The following EPB41L4A variants were observed in gnomAD, a reference collection of about 807,000 sequenced individuals.
EPB41L4A encodes erythrocyte membrane protein band 4.1 like 4A, also known as band 4.1-like protein 4A.
Under a neutral mutation model 108.6 loss-of-function variants are expected in EPB41L4A, and 100 were observed. The ratio of observed to expected loss-of-function variants is 0.92; its 90% CI spans 0.78 to 1.09. The LOEUF is 1.09. Ranked by LOEUF, EPB41L4A falls within the 50% of genes least tolerant of loss-of-function variation. The probability of loss-of-function intolerance (pLI) is 0.00; values close to 1 mark genes in which losing one functional copy is unlikely to be tolerated. For synonymous variants in EPB41L4A, 319 were observed against 289.0 expected (o/e 1.10, Z -1.05); for missense variants, 1,030 against 842.7 (o/e 1.22, Z -2.75).
intron 1 of EPB41L4A, among the ~76,000 whole-genome samples, chr5:112,413,840 C>A (rs1257619415): frequency 6.6e-6 from 1 of 152,200 alleles, no homozygotes; most frequent in Non-Finnish European, 1.5e-5. Context: ...GGGCAAGTCA[C>A]TTGGACTGGC....
chr5:112,323,057 C>A (rs6594588), intron 1 of EPB41L4A, among the ~76,000 whole-genome samples: 25,446 of 149,926 alleles, frequency 0.17, 2,589 homozygotes, highest in African/African-American at 0.28. Flanking sequence ...AAAGTATAGT[C>A]GTTGCCAAGA....
rs970436254 is a variant in EPB41L4A at position 112,358,917 on chromosome 5, T to C, written c.100-51427A>G. Reference sequence around the variant, plus strand: ...ATAAAAGAATCACAAACTTCAATGCTAGGTGAAAGAAAACAGACACAAAAA... The same window carrying C: ...ATAAAAGAATCACAAACTTCAATGCCAGGTGAAAGAAAACAGACACAAAAA... On this transcript the variant is annotated intron_variant, in intron 1 of 22. Coordinates refer to ENST00000261486, the MANE Select transcript of EPB41L4A (RefSeq NM_022140.5). Among the ~76,000 whole-genome samples, 4 of 152,188 alleles carry C rather than the reference T, an allele frequency of 2.6e-5. 1 individual carries two copies. In the South Asian group the frequency reaches 8.3e-4, roughly 31 times the overall value.
At chr5:112,363,308 T>G (rs1458437533) in intron 1 of EPB41L4A, 1 of 150,972 alleles carries the variant, frequency 6.6e-6, no homozygotes, top group Non-Finnish European at 1.5e-5. Flanking sequence ...ATTCAAACAA[T>G]CCTGACTGGT....
intron 15 of EPB41L4A, among the ~76,000 whole-genome samples, chr5:112,200,067 A>T (rs4958014): frequency 0.78 from 118,804 of 151,766 alleles, 47,150 homozygotes; most frequent in East Asian, 1. Context: ...CTGTAAGATC[A>T]GATCCCATCT....
At chr5:112,262,035 G>A (rs980723692) in intron 7 of EPB41L4A, among the ~76,000 whole-genome samples, 3 of 151,988 alleles carry the variant, frequency 2.0e-5, no homozygotes, top group Non-Finnish European at 4.4e-5. Context: ...GGGATTACAG[G>A]CGCCCGCCAC....
intron 18 of EPB41L4A, among the ~76,000 whole-genome samples, chr5:112,181,865 G>A (rs1761174944): frequency 6.6e-6 from 1 of 152,078 alleles, no homozygotes; most frequent in Non-Finnish European, 1.5e-5. Context: ...TGGAGGTCAG[G>A]AGTTTGAGAC....
chr5:112,161,318 G>A (rs546353299), downstream of EPB41L4A: 8 of 363,168 alleles, frequency 2.2e-5, no homozygotes, highest in Non-Finnish European at 4.4e-5. Flanking sequence ...GTTCGTGCAA[G>A]ACCAGTCGCC....
At chr5:112,226,362 TGC>T (rs1748453045) in intron 12 of EPB41L4A, among the ~76,000 whole-genome samples, 1 of 152,216 alleles carries the variant, frequency 6.6e-6, no homozygotes, top group Admixed American at 6.5e-5. Flanking sequence ...ACAGCTTCTG[TGC>T]GCTCCTCATT....
chr5:112,184,949 T>G (rs12517535), intron 17 of EPB41L4A, among the ~76,000 whole-genome samples: 9,187 of 152,276 alleles, frequency 0.06, 434 homozygotes, highest in Admixed American at 0.16. Flanking sequence ...ACAAAACCCA[T>G]GGACCACACT....
chr5:112,205,541 G>A, intron 13 of EPB41L4A, 37 bp from the exon 14 acceptor site: 1 of 1,476,942 alleles, frequency 6.8e-7, no homozygotes. Context: ...AATAAATTAA[G>A]TAGAAAATAA....
chr5:112,419,175 C>T lies in EPB41L4A; in HGVS notation c.-136G>A. On this transcript the variant is annotated 5_prime_UTR_variant, in exon 1 of 23. Coordinates refer to ENST00000261486, the MANE Select transcript of EPB41L4A (RefSeq NM_022140.5). ...GAGACGAGCAGCTCCCGGCGGGGTC[C>T]GGGGACCGGCCGCCGAACCGCCCGG... is the stretch of plus-strand genomic sequence containing the variant. 1 of 606,616 alleles carries T rather than the reference C, an allele frequency of 1.6e-6. No homozygotes were observed. The highest frequency in any genetic ancestry group is 2.8e-6 in the Non-Finnish European group (1 of 356,554). The allele number at this position is 606,616 out of a possible 1,614,324, so 37.6% of individuals were successfully genotyped here. A position where few individuals can be genotyped will look rare whatever the true frequency, so the allele number is the denominator to read the frequency against.
chr5:112,201,940 G>A (rs1762242166), intron 15 of EPB41L4A, among the ~76,000 whole-genome samples: 1 of 152,160 alleles, frequency 6.6e-6, no homozygotes, highest in Non-Finnish European at 1.5e-5. Flanking sequence ...CTGAGATGGT[G>A]ATGGTGGGCT....
At chr5:112,321,595 T>C (rs932939655) in intron 1 of EPB41L4A, among the ~76,000 whole-genome samples, 7 of 152,242 alleles carry the variant, frequency 4.6e-5, no homozygotes, top group African/African-American at 1.7e-4. Context: ...ATAATGTTTA[T>C]GACATCTAAC....
chr5:112,199,272 C>T (rs1177493500), intron 15 of EPB41L4A, among the ~76,000 whole-genome samples: 2 of 152,206 alleles, frequency 1.3e-5, no homozygotes, highest in Non-Finnish European at 2.9e-5. Context: ...CTGTCCATCT[C>T]TTACAAAGGG....
At chr5:112,276,101 A>T (rs1343630631) in intron 3 of EPB41L4A, among the ~76,000 whole-genome samples, 2 of 152,226 alleles carry the variant, frequency 1.3e-5, no homozygotes, top group Non-Finnish European at 2.9e-5. Context: ...TTTTCTTATG[A>T]TAACTCTTAC....
At chr5:112,413,796 T>G (rs201315602) in intron 1 of EPB41L4A, among the ~76,000 whole-genome samples, 1 of 152,130 alleles carries the variant, frequency 6.6e-6, no homozygotes, top group African/African-American at 2.4e-5. Context: ...TCTGGAATAT[T>G]TGGGAAACCG....
chr5:112,397,281 C>T, intron 1 of EPB41L4A, among the ~76,000 whole-genome samples: 1 of 152,156 alleles, frequency 6.6e-6, no homozygotes, highest in Non-Finnish European at 1.5e-5. Context: ...TTGAGAGTTT[C>T]TCTGAAAAGT....
At chr5:112,381,758 A>T (rs1426016470) in intron 1 of EPB41L4A, among the ~76,000 whole-genome samples, 1 of 152,234 alleles carries the variant, frequency 6.6e-6, no homozygotes, top group Admixed American at 6.5e-5. Flanking sequence ...ACAACCAGAC[A>T]CAGTTGAGAA....
intron 1 of EPB41L4A, among the ~76,000 whole-genome samples, chr5:112,379,881 TAAGA>T (rs1760052894): frequency 6.6e-6 from 1 of 152,162 alleles, no homozygotes; most frequent in East Asian, 1.9e-4. Flanking sequence ...CTATAAGACA[TAAGA>T]AAGACACTAT....
Sources: gnomAD v4.1 joint callset for allele counts (sites outside exome capture counted in the v4.1 genomes callset) on GRCh38, gnomAD v4.1.1 for gene constraint, MANE v1.5 for transcripts, NCBI Gene and HGNC (gene_info 2026-07-23, HGNC 2026-07-21) for gene names.